HIBADH: variants seen among roughly 807,000 people sequenced by gnomAD.
HIBADH encodes the protein 3-hydroxyisobutyrate dehydrogenase, also known as 3-hydroxyisobutyrate dehydrogenase, mitochondrial.
HIBADH carries 25 observed loss-of-function variants against 36.1 expected under a neutral mutation model. That is an observed-to-expected ratio of 0.69 (90% confidence interval 0.50 to 0.97). The LOEUF is 0.97. Among genes scored for constraint, HIBADH ranks in the 50% least tolerant of loss-of-function variants. The probability of loss-of-function intolerance (pLI) is 0.00; values close to 1 mark genes in which losing one functional copy is unlikely to be tolerated. For synonymous variants in HIBADH, 160 were observed against 149.5 expected (o/e 1.07, Z -0.51); for missense variants, 421 against 418.0 (o/e 1.01, Z -0.06).
intron 4 of HIBADH, among the ~76,000 whole-genome samples, chr7:27,559,690 T>C (rs1160420690): frequency 6.6e-6 from 1 of 152,114 alleles, no homozygotes; most frequent in Non-Finnish European, 1.5e-5. Context: ...AAAAACTATA[T>C]ATGCCCTTGT....
At chr7:27,632,282 T>C (rs73073128) in intron 3 of HIBADH, 54 bp downstream of exon 3, 114,643 of 1,174,946 alleles carry the variant, frequency 0.098, 6,516 homozygotes, top group Non-Finnish European at 0.11. Context: ...TTCTAACATG[T>C]GAAATTCATG....
intron 4 of HIBADH, among the ~76,000 whole-genome samples, chr7:27,610,999 CTCTCTAAGAGAAATT>C (rs1365100575): frequency 1.3e-5 from 2 of 152,130 alleles, no homozygotes; most frequent in African/African-American, 4.8e-5. Flanking sequence ...GCAAGCCTAC[CTCTCTAAGAGAAATT>C]TCTTAATAGG....
At chr7:27,607,944 T>A (rs1785259235) in intron 4 of HIBADH, among the ~76,000 whole-genome samples, 2 of 152,230 alleles carry the variant, frequency 1.3e-5, no homozygotes, top group South Asian at 4.1e-4. Context: ...ACATTAAATA[T>A]GTTGGTCACT....
At chr7:27,534,651 A>C (rs897469687) in intron 6 of HIBADH, among the ~76,000 whole-genome samples, 1 of 152,174 alleles carries the variant, frequency 6.6e-6, no homozygotes, top group Non-Finnish European at 1.5e-5. Context: ...TATGGCAATG[A>C]GTAAACAAAC....
At chr7:27,597,583 T>C (rs1785052885) in intron 4 of HIBADH, among the ~76,000 whole-genome samples, 1 of 152,158 alleles carries the variant, frequency 6.6e-6, no homozygotes, top group Admixed American at 6.5e-5. Context: ...CTTTGCATCC[T>C]GTATCTCAGA....
intron 4 of HIBADH, among the ~76,000 whole-genome samples, chr7:27,606,160 G>C (rs1447655398): frequency 6.6e-6 from 1 of 152,134 alleles, no homozygotes; most frequent in African/African-American, 2.4e-5. Context: ...AAGTTGAAAT[G>C]TTTAAATATG....
At chr7:27,605,514 T>TG (rs1168278756) in intron 4 of HIBADH, among the ~76,000 whole-genome samples, 8 of 94,860 alleles carry the variant, frequency 8.4e-5, no homozygotes, top group African/African-American at 3.1e-4. Flanking sequence ...TGCCACATGG[T>TG]GGGGGGCGGG....
intron 4 of HIBADH, among the ~76,000 whole-genome samples, chr7:27,557,957 G>T (rs893379186): frequency 1.3e-5 from 2 of 152,110 alleles, no homozygotes; most frequent in African/African-American, 4.8e-5. Flanking sequence ...ATCTCTGGTC[G>T]TTGGAAGTTT....
At chr7:27,569,348 C>T (rs1784596371) in intron 4 of HIBADH, among the ~76,000 whole-genome samples, 1 of 152,058 alleles carries the variant, frequency 6.6e-6, no homozygotes, top group Non-Finnish European at 1.5e-5. Flanking sequence ...TCAGACTTTC[C>T]TGGTTCTTTT....
At chr7:27,557,080 T>C (rs1483807791) in intron 4 of HIBADH, among the ~76,000 whole-genome samples, 1 of 150,356 alleles carries the variant, frequency 6.7e-6, no homozygotes, top group Non-Finnish European at 1.5e-5. Flanking sequence ...GTTGAGGCTA[T>C]AGCGAGGCAT....
chr7:27,650,750 TTTTA>T (rs1786174036), intron 1 of HIBADH, among the ~76,000 whole-genome samples: 1 of 149,018 alleles, frequency 6.7e-6, no homozygotes, highest in African/African-American at 2.5e-5. Flanking sequence ...ACTACACAGG[TTTTA>T]TTTATTCTTT....
At chr7:27,648,029 C>G (rs1786109276) in intron 2 of HIBADH, among the ~76,000 whole-genome samples, 3 of 152,188 alleles carry the variant, frequency 2.0e-5, no homozygotes, top group Admixed American at 2.0e-4. Context: ...CCTTGTTACT[C>G]TTACTAACAG....
At chr7:27,605,541 G>A (rs13232561) in intron 4 of HIBADH, among the ~76,000 whole-genome samples, 12,880 of 103,484 alleles carry the variant, frequency 0.12, 1,113 homozygotes, top group Middle Eastern at 0.2. Flanking sequence ...AAATATTTGT[G>A]AGAATTTTTA....
chr7:27,648,723 A>G (rs920052308), intron 2 of HIBADH, among the ~76,000 whole-genome samples: 10 of 152,206 alleles, frequency 6.6e-5, no homozygotes, highest in Non-Finnish European at 1.2e-4. Flanking sequence ...TAACAAATCC[A>G]AACAACTCAA....
intron 4 of HIBADH, among the ~76,000 whole-genome samples, chr7:27,595,612 G>C (rs1427765231): frequency 1.3e-5 from 2 of 150,938 alleles, no homozygotes; most frequent in Non-Finnish European, 3.0e-5. Flanking sequence ...GTGTGTGTGT[G>C]TGTGTGTGTG....
chr7:27,595,027 A>G (rs1562635716), intron 4 of HIBADH, among the ~76,000 whole-genome samples: 1 of 152,186 alleles, frequency 6.6e-6, no homozygotes, highest in Non-Finnish European at 1.5e-5. Context: ...AATTTTACAA[A>G]CTTAGTGACA....
At chr7:27,528,891 G>T (rs1208034609) in intron 7 of HIBADH, among the ~76,000 whole-genome samples, 1 of 152,190 alleles carries the variant, frequency 6.6e-6, no homozygotes, top group Admixed American at 6.5e-5. Flanking sequence ...AGCATCAAAG[G>T]ACAGGCTAAC....
At chr7:27,556,566 G>T (rs1784391514) in intron 4 of HIBADH, among the ~76,000 whole-genome samples, 1 of 152,086 alleles carries the variant, frequency 6.6e-6, no homozygotes, top group African/African-American at 2.4e-5. Flanking sequence ...AAAACAATCA[G>T]TTATTTAATC....
intron 2 of HIBADH, 135 bp from the exon 3 acceptor site, chr7:27,632,580 C>CAAA (rs143191859): frequency 6.4e-5 from 13 of 202,132 alleles, no homozygotes; most frequent in South Asian, 2.8e-4. Flanking sequence ...TGCAAATGAC[C>CAAA]AAAAAAAAAA....
Sources: allele counts gnomAD v4.1 joint callset (sites outside exome capture counted in the v4.1 genomes callset), GRCh38; gene constraint gnomAD v4.1.1; transcripts MANE v1.5; gene names NCBI Gene and HGNC (gene_info 2026-07-23, HGNC 2026-07-21).